SLC8B1: variants seen among roughly 807,000 people sequenced by gnomAD.
The protein encoded by SLC8B1 is solute carrier family 8 member B1, also known as mitochondrial sodium/calcium exchanger protein.
Under a neutral mutation model 63.4 loss-of-function variants are expected in SLC8B1, and 52 were observed. The observed-to-expected ratio is 0.82, with a 90% CI of 0.66 to 1.03. SLC8B1 has a LOEUF of 1.03. Among genes scored for constraint, SLC8B1 ranks in the 50% least tolerant of loss-of-function variants. SLC8B1 has a pLI of 0.00. For synonymous variants in SLC8B1, 336 were observed against 323.9 expected (o/e 1.04, Z -0.40); for missense variants, 657 against 741.7 (o/e 0.89, Z 1.33).
chr12:113,312,497 A>C (rs1266730279), intron 11 of SLC8B1, among the ~76,000 whole-genome samples: 1 of 152,060 alleles, frequency 6.6e-6, no homozygotes, highest in East Asian at 1.9e-4. Context: ...GCACTTTATA[A>C]AGATGGCTCT....
chr12:113,306,404 C>G, intron 14 of SLC8B1, 91 bp downstream of exon 14: 2 of 1,159,684 alleles, frequency 1.7e-6, no homozygotes, highest in Non-Finnish European at 2.4e-6. Context: ...GGTGTTACAC[C>G]GAGAACCAAT....
chr12:113,316,041 G>C (rs973526956), intron 10 of SLC8B1, among the ~76,000 whole-genome samples: 2 of 152,096 alleles, frequency 1.3e-5, no homozygotes, highest in South Asian at 4.1e-4. Flanking sequence ...TGGCTAACAC[G>C]GTGAAACCCC....
chr12:113,299,101 T>C lies in SLC8B1; in HGVS notation c.*676A>G, dbSNP rs796246524. 6.5e-5 allele frequency: 10 copies of C among 153,632 alleles called. No homozygotes were observed. Among genetic ancestry groups the C allele is most frequent in the African/African-American group, 2.4e-4 (10 of 41,602 alleles). The allele number at this position is 153,632 out of a possible 1,614,324, so 9.5% of individuals were successfully genotyped here. A position where few individuals can be genotyped will look rare whatever the true frequency, so the allele number is the denominator to read the frequency against. On this transcript the variant is annotated 3_prime_UTR_variant, in exon 16 of 16. Coordinates refer to ENST00000680972, the MANE Select transcript of SLC8B1 (RefSeq NM_001358345.2). Reference sequence around the variant, plus strand: ...AGGGAGCGCCTGAGCCACCATCCCATGTGGCAGCTGCTGGCGTAGCAGTGC... The same window carrying C: ...AGGGAGCGCCTGAGCCACCATCCCACGTGGCAGCTGCTGGCGTAGCAGTGC...
intron 2 of SLC8B1, among the ~76,000 whole-genome samples, chr12:113,325,845 G>A (rs372851614): frequency 6.6e-5 from 10 of 152,282 alleles, no homozygotes; most frequent in East Asian, 1.9e-4. Context: ...TTACAGGCGT[G>A]AGCCACCGCG....
Position 113,320,416 on chromosome 12 carries a change from G to A in SLC8B1, c.609C>T (p.Phe203=). ...CCACCATGTAGAAAACGATGTCCCT[G>A]AAGAAGGGCCTGGAGGCAGCCATGA... ...HPFMAASRPF[F]RDIVFYMVAV... The change falls in exon 7 of 16, where the codon TTC becomes TTT. Residue 203 remains phenylalanine (F), a synonymous_variant. Transcript: ENST00000680972. The surrounding 1 kb of genome is among the most constrained non-coding windows in gnomAD (Gnocchi z 5.3). 6.2e-7 allele frequency: 1 copy of A among 1,614,160 alleles called. No individual in the cohort carries two copies. Among genetic ancestry groups the A allele is most frequent in the Non-Finnish European group, 8.5e-7 (1 of 1,180,020 alleles).
In SLC8B1 at chr12:113,321,189, G is replaced by T. The variant is rs563774440; in HGVS notation, c.309+7C>A. On this transcript the variant is annotated splice_region_variant and intron_variant, in intron 3 of 15. Coordinates refer to ENST00000680972, the MANE Select transcript of SLC8B1 (RefSeq NM_001358345.2). ...CCTCTCACCAGCCCCCCAGGGCAGG[G>T]CCTCACGTAGAGAGTGACAGCCAGA... 97 of 1,614,060 alleles carry T rather than the reference G, an allele frequency of 6.0e-5. 2 individuals carry two copies. The South Asian group carries it at 1.0e-3, about 17-fold the overall frequency.
chr12:113,310,525 T>G (rs746402787), intron 11 of SLC8B1, among the ~76,000 whole-genome samples, 170 bp from the exon 12 acceptor site: 1 of 152,132 alleles, frequency 6.6e-6, no homozygotes, highest in Admixed American at 6.6e-5. Context: ...TTAGTCACAT[T>G]TGAAAGAAAA....
intron 10 of SLC8B1, 71 bp from the exon 11 acceptor site, chr12:113,315,547 C>T: frequency 2.0e-6 from 3 of 1,467,096 alleles, no homozygotes; most frequent in Non-Finnish European, 1.8e-6. Context: ...AGATGGACTT[C>T]AGTGACTCAA....
At chr12:113,333,320 C>A (rs1251734180) in intron 1 of SLC8B1, among the ~76,000 whole-genome samples, 3 of 152,106 alleles carry the variant, frequency 2.0e-5, no homozygotes, top group Non-Finnish European at 2.9e-5. Flanking sequence ...GGGCAGTGGG[C>A]GGGATTGCAG....
At chr12:113,300,418 G>A (rs1956568166) in intron 15 of SLC8B1, among the ~76,000 whole-genome samples, 2 of 152,206 alleles carry the variant, frequency 1.3e-5, no homozygotes, top group Admixed American at 1.3e-4. Flanking sequence ...AGGAGGCGGA[G>A]GTTGCAGTAA....
chr12:113,303,850 G>A (rs1401832034), intron 15 of SLC8B1, among the ~76,000 whole-genome samples: 1 of 152,042 alleles, frequency 6.6e-6, no homozygotes, highest in East Asian at 1.9e-4. Context: ...TATAGGGGAG[G>A]AAATTGAGGC....
chr12:113,325,982 A>G (rs1956992453), intron 2 of SLC8B1, among the ~76,000 whole-genome samples: 1 of 151,790 alleles, frequency 6.6e-6, no homozygotes, highest in South Asian at 2.1e-4. Flanking sequence ...CCTTTCCAAC[A>G]CTCCTGCGAG....
At position 113,321,195 on chromosome 12, in the gene SLC8B1, C is replaced by T. The variant is rs755157031; in HGVS notation, c.309+1G>A. Reference sequence around the variant, plus strand: ...ACCAGCCCCCCAGGGCAGGGCCTCACGTAGAGAGTGACAGCCAGAGGGAGG... The same window carrying T: ...ACCAGCCCCCCAGGGCAGGGCCTCATGTAGAGAGTGACAGCCAGAGGGAGG... On this transcript the variant is annotated splice_donor_variant, in intron 3 of 15. Transcript: ENST00000680972. LOFTEE classifies it high-confidence loss of function. The T allele has an allele frequency of 1.7e-5, 27 of 1,613,912 alleles. No individual in the cohort carries two copies. The highest frequency in any genetic ancestry group is 4.5e-5 in the East Asian group (2 of 44,898).
At chr12:113,319,570 C>A (rs776972008) in intron 7 of SLC8B1, among the ~76,000 whole-genome samples, 1 of 152,178 alleles carries the variant, frequency 6.6e-6, no homozygotes, top group Non-Finnish European at 1.5e-5. Context: ...CCCTTCCCTG[C>A]CCCTGCTGCC....
At chr12:113,322,730 T>C (rs1956947455) in intron 2 of SLC8B1, among the ~76,000 whole-genome samples, 1 of 152,114 alleles carries the variant, frequency 6.6e-6, no homozygotes, top group South Asian at 2.1e-4. Flanking sequence ...CAGGATCACT[T>C]GACCTCAGGA....
chr12:113,332,608 C>T, intron 2 of SLC8B1, 115 bp downstream of exon 2: 2 of 1,262,222 alleles, frequency 1.6e-6, no homozygotes, highest in Non-Finnish European at 2.1e-6. Flanking sequence ...TCTATTGTTC[C>T]CCGGTATATC....
At chr12:113,326,887 G>GCACCC (rs1957003296) in intron 2 of SLC8B1, among the ~76,000 whole-genome samples, 1 of 152,146 alleles carries the variant, frequency 6.6e-6, no homozygotes, top group East Asian at 1.9e-4. Context: ...AGGCTGGAGT[G>GCACCC]ATGGTGTGCA....
At chr12:113,319,198 G>A in intron 7 of SLC8B1, 127 bp from the exon 8 acceptor site, 1 of 689,568 alleles carries the variant, frequency 1.5e-6, no homozygotes, top group Admixed American at 2.2e-5. Flanking sequence ...AGGTACCAGT[G>A]GGTAAATGGC....
chr12:113,308,063 A>T, intron 12 of SLC8B1: 2 of 527,790 alleles, frequency 3.8e-6, no homozygotes, highest in Non-Finnish European at 6.2e-6. Context: ...ACTCCCTTTC[A>T]GGCCGGGCAC....
Sources: allele counts gnomAD v4.1 joint callset (sites outside exome capture counted in the v4.1 genomes callset), GRCh38; gene constraint gnomAD v4.1.1; non-coding constraint Gnocchi (gnomAD v3.1); transcripts MANE v1.5; gene names NCBI Gene and HGNC (gene_info 2026-07-23, HGNC 2026-07-21).